Variants in DPP10 observed in about 807,000 individuals in gnomAD.
DPP10 encodes the protein inactive dipeptidyl peptidase 10.
DPP10 carries 33 observed loss-of-function variants against 120.9 expected under a neutral mutation model. The observed-to-expected ratio is 0.27, with a 90% CI of 0.21 to 0.37. The LOEUF (loss-of-function observed/expected upper bound fraction) is 0.37. Ranked by LOEUF, DPP10 falls within the 10% of genes least tolerant of loss-of-function variation. The probability of loss-of-function intolerance (pLI) is 1.00; values close to 1 mark genes in which losing one functional copy is unlikely to be tolerated. For synonymous variants in DPP10, 337 were observed against 326.1 expected (o/e 1.03, Z -0.36); for missense variants, 816 against 942.8 (o/e 0.87, Z 1.76).
intron 3 of DPP10, among the ~76,000 whole-genome samples, chr2:115,449,402 G>A (rs1433177934): frequency 6.6e-6 from 1 of 152,046 alleles, no homozygotes. Context: ...GAGTCTACTT[G>A]ATCTTAGTTA....
At position 115,701,064 on chromosome 2, in the gene DPP10, T is replaced by C. The variant is rs1356085180; in HGVS notation, c.576+11143T>C. On this transcript the variant is annotated intron_variant, in intron 7 of 25. Transcript: ENST00000410059. ...AATCCCTATCAAAATCCAAATAATG[T>C]CTTTTTTGCAGATATAGAAAAGCCT... is the stretch of plus-strand genomic sequence containing the variant. Among the ~76,000 whole-genome samples the C allele has an allele frequency of 3.3e-5, 5 of 152,244 alleles. No individual in the cohort carries two copies. In the East Asian group the frequency reaches 5.8e-4, roughly 18 times the overall value.
intron 1 of DPP10, among the ~76,000 whole-genome samples, chr2:114,552,537 T>C (rs1217506236): frequency 6.6e-6 from 1 of 152,084 alleles, no homozygotes; most frequent in East Asian, 1.9e-4. Flanking sequence ...ATACATTCTT[T>C]TTTCTTTCTC....
chr2:115,252,945 A>C (rs2058817167), intron 1 of DPP10, among the ~76,000 whole-genome samples: 1 of 152,214 alleles, frequency 6.6e-6, no homozygotes, highest in African/African-American at 2.4e-5. Flanking sequence ...GTTAATATGA[A>C]TATACAGAAT....
intron 4 of DPP10, among the ~76,000 whole-genome samples, chr2:115,514,352 G>T (rs1438497333): frequency 1.3e-5 from 2 of 151,462 alleles, no homozygotes; most frequent in Non-Finnish European, 3.0e-5. Context: ...TTTAAAACTT[G>T]TTTCTACATA....
intron 3 of DPP10, among the ~76,000 whole-genome samples, chr2:115,448,448 A>AAGCCAAGT (rs972900754): frequency 3.3e-5 from 5 of 152,166 alleles, no homozygotes; most frequent in Non-Finnish European, 2.9e-5. Flanking sequence ...ACTAAAGCTA[A>AAGCCAAGT]AGCCAAGTGA....
chr2:115,666,341 C>A (rs1434454010), intron 5 of DPP10, among the ~76,000 whole-genome samples: 1 of 152,052 alleles, frequency 6.6e-6, no homozygotes, highest in East Asian at 1.9e-4. Context: ...CTTCACAGCG[C>A]TGCAAGAAAG....
In DPP10 at chr2:115,465,333, AAC is replaced by A. The variant is rs1020833984; in HGVS notation, c.272-34175_272-34174del. On this transcript the variant is annotated intron_variant, in intron 3 of 25. Transcript: ENST00000410059. ...ATATTAAAATATGACTAAAAATAAA[AAC>A]AGATTTTATAGGCTTTGGAAGTACT... Among the ~76,000 whole-genome samples, 105 of 152,264 alleles carry A rather than the reference AAC, an allele frequency of 6.9e-4. 1 individual carries two copies. The highest frequency in any genetic ancestry group is 2.4e-3 in the African/African-American group (98 of 41,554).
chr2:115,614,409 T>C (rs1007062510), intron 5 of DPP10, among the ~76,000 whole-genome samples: 13 of 152,046 alleles, frequency 8.6e-5, no homozygotes, highest in South Asian at 2.1e-4. Flanking sequence ...ACCACAGTTT[T>C]ATAGGGGAAG....
intron 2 of DPP10, among the ~76,000 whole-genome samples, chr2:115,335,113 A>T (rs559846481): frequency 2.2e-4 from 33 of 152,030 alleles, no homozygotes; most frequent in African/African-American, 7.9e-4. Flanking sequence ...GGCAAAAAGA[A>T]ACCTTGTGCA....
chr2:115,742,864 A>C (rs774814931), intron 9 of DPP10, among the ~76,000 whole-genome samples: 3 of 152,230 alleles, frequency 2.0e-5, no homozygotes, highest in Admixed American at 6.6e-5. Context: ...GGTCAGATTT[A>C]CTAATGAAAT....
chr2:115,094,479 G>A (rs771759387), intron 1 of DPP10, among the ~76,000 whole-genome samples: 18 of 152,086 alleles, frequency 1.2e-4, no homozygotes, highest in Admixed American at 3.9e-4. Flanking sequence ...TACATCACAT[G>A]GTAAACTACT....
intron 1 of DPP10, among the ~76,000 whole-genome samples, chr2:114,451,581 G>A (rs1171492998): frequency 6.6e-6 from 1 of 152,044 alleles, no homozygotes; most frequent in Non-Finnish European, 1.5e-5. Context: ...AAGAAAAAAG[G>A]CAATGCAACT....
intron 3 of DPP10, among the ~76,000 whole-genome samples, chr2:115,382,358 A>G (rs2066456514): frequency 6.6e-6 from 1 of 152,180 alleles, no homozygotes; most frequent in South Asian, 2.1e-4. Context: ...TGACTAGGAA[A>G]GGGAACTCCC....
At chr2:115,342,078 T>A in intron 2 of DPP10, 1 of 444,698 alleles carries the variant, frequency 2.2e-6, no homozygotes, top group South Asian at 1.6e-5. Context: ...TAGTGAGAGT[T>A]GGTCATTTTA....
intron 5 of DPP10, among the ~76,000 whole-genome samples, chr2:115,616,055 T>A (rs770196232): frequency 3.9e-5 from 6 of 152,164 alleles, no homozygotes; most frequent in Non-Finnish European, 8.8e-5. Context: ...ATTAAGAAAG[T>A]TACTCAGTTT....
At position 115,309,269 on chromosome 2, in the gene DPP10, A is replaced by G. The variant is rs749250461; in HGVS notation, c.91A>G (p.Asn31Asp). 28 of 1,613,480 alleles carry G rather than the reference A, an allele frequency of 1.7e-5. No homozygotes were observed. Among genetic ancestry groups the G allele is most frequent in the Non-Finnish European group, 2.3e-5 (27 of 1,179,580 alleles). Residue 31 changes from asparagine (N) to aspartate (D), a missense_variant, in exon 2 of 26, where the codon AAC (asparagine) becomes GAC (aspartate). Physicochemically the swap from Asn to Asp is conservative, Grantham distance 23 (BLOSUM62 1). Coordinates refer to ENST00000410059, the MANE Select transcript of DPP10 (RefSeq NM_020868.6). ...GGGAAGTAACAGCCCTCCACAGAGA[A>G]ACTGGAAGGGAATTGCTATTGCTCT... is the stretch of plus-strand genomic sequence containing the variant. ...ELGSNSPPQR[N>D]WKGIAIALLV...
At chr2:115,624,134 T>A (rs2149292613) in intron 5 of DPP10, among the ~76,000 whole-genome samples, 1 of 152,300 alleles carries the variant, frequency 6.6e-6, no homozygotes, top group Non-Finnish European at 1.5e-5. Flanking sequence ...CACTTTAAAA[T>A]CTTGGAGAAG....
intron 5 of DPP10, among the ~76,000 whole-genome samples, chr2:115,543,635 G>GT (rs374305721): frequency 0.031 from 4,700 of 150,830 alleles, 231 homozygotes; most frequent in African/African-American, 0.11. Flanking sequence ...CACATGCTGG[G>GT]TTTTTTTTTG....
chr2:115,176,892 G>C (rs1374873197), intron 1 of DPP10, among the ~76,000 whole-genome samples: 1 of 152,188 alleles, frequency 6.6e-6, no homozygotes, highest in Non-Finnish European at 1.5e-5. Context: ...TGTTTGGTGA[G>C]CACCTGCTCC....
Sources: allele counts gnomAD v4.1 joint callset (sites outside exome capture counted in the v4.1 genomes callset), GRCh38; gene constraint gnomAD v4.1.1; transcripts MANE v1.5; gene names NCBI Gene and HGNC (gene_info 2026-07-23, HGNC 2026-07-21).